The following KIF16B variants were observed in gnomAD, a reference collection of about 807,000 sequenced individuals.
The protein encoded by KIF16B is kinesin-like protein KIF16B.
KIF16B carries 98 observed loss-of-function variants against 156.3 expected under a neutral mutation model. That is an observed-to-expected ratio of 0.63 (90% CI 0.53 to 0.74). The LOEUF is 0.74. KIF16B is among the 30% of genes least tolerant of loss of function. The pLI is 0.00. For missense variants in KIF16B, 1,421 were observed against 1,606.5 expected, an observed-to-expected ratio of 0.88 and a Z score of 1.97; for synonymous variants, 564 against 583.7, an observed-to-expected ratio of 0.97 and a Z score of 0.49.
intron 25 of KIF16B, among the ~76,000 whole-genome samples, chr20:16,311,089 G>C (rs1291263780): frequency 6.6e-6 from 1 of 152,226 alleles, no homozygotes; most frequent in Non-Finnish European, 1.5e-5. Context: ...CCAGCAATGA[G>C]AATACCTACT....
intron 23 of KIF16B, among the ~76,000 whole-genome samples, chr20:16,355,989 C>A (rs1033005928): frequency 8.5e-5 from 13 of 152,286 alleles, no homozygotes; most frequent in African/African-American, 3.1e-4. Flanking sequence ...GACCAACTGT[C>A]CTGGTTTGCT....
intron 1 of KIF16B, among the ~76,000 whole-genome samples, chr20:16,561,041 G>A (rs1287548912): frequency 6.6e-6 from 1 of 151,800 alleles, no homozygotes; most frequent in Non-Finnish European, 1.5e-5. Context: ...TGTAATCCCT[G>A]CGCTTTGGGA....
At chr20:16,406,218 T>C (rs1365412875) in intron 16 of KIF16B, among the ~76,000 whole-genome samples, 156 bp downstream of exon 16, 2 of 152,252 alleles carry the variant, frequency 1.3e-5, no homozygotes, top group East Asian at 1.9e-4. Flanking sequence ...AATCATCTGC[T>C]GGGAAACAAT....
At chr20:16,552,407 A>T (rs1011734620) in intron 1 of KIF16B, among the ~76,000 whole-genome samples, 13 of 152,206 alleles carry the variant, frequency 8.5e-5, no homozygotes, top group African/African-American at 3.1e-4. Context: ...AGCCATTATG[A>T]GCTTCGTTGA....
At chr20:16,349,791 T>C (rs1047039227) in intron 23 of KIF16B, among the ~76,000 whole-genome samples, 1 of 152,216 alleles carries the variant, frequency 6.6e-6, no homozygotes, top group Non-Finnish European at 1.5e-5. Flanking sequence ...CAATTTAGCA[T>C]GTCTCACTTC....
chr20:16,499,916 A>T (rs1293962127), intron 10 of KIF16B, among the ~76,000 whole-genome samples: 1 of 152,218 alleles, frequency 6.6e-6, no homozygotes, highest in Non-Finnish European at 1.5e-5. Context: ...AAGTGTTTCA[A>T]ATCAAATAAT....
At chr20:16,436,145 C>T (rs943500583) in intron 12 of KIF16B, among the ~76,000 whole-genome samples, 2 of 152,040 alleles carry the variant, frequency 1.3e-5, no homozygotes, top group Non-Finnish European at 2.9e-5. Flanking sequence ...ACATTTTTTT[C>T]ATCTCGTATA....
At chr20:16,320,622 G>T (rs1235238638) in intron 24 of KIF16B, among the ~76,000 whole-genome samples, 1 of 152,062 alleles carries the variant, frequency 6.6e-6, no homozygotes, top group Admixed American at 6.6e-5. Context: ...CTAACCAAAG[G>T]GTCTTTCAAG....
chr20:16,542,218 T>C (rs1057467836), intron 1 of KIF16B, among the ~76,000 whole-genome samples: 1 of 152,170 alleles, frequency 6.6e-6, no homozygotes, highest in African/African-American at 2.4e-5. Context: ...TGAGTTACCT[T>C]AAGATGTGCA....
rs2065654187 is a variant in KIF16B at position 16,401,416 on chromosome 20, C to T, written c.1784+3397G>A. Among the ~76,000 whole-genome samples, 3 of 152,146 alleles carry T rather than the reference C, an allele frequency of 2.0e-5. No homozygotes were observed. In the South Asian group the frequency reaches 6.2e-4, roughly 32 times the overall value. The stretch of plus-strand genomic sequence containing the variant: ...CCTGGGATTAGGCAGACAGATTAGG[C>T]CACAAAACCACATTCCTCTGCATAA... On this transcript the variant is annotated intron_variant, in intron 17 of 25. Coordinates refer to ENST00000354981, the MANE Select transcript of KIF16B (RefSeq NM_024704.5).
chr20:16,522,548 T>TA (rs756914604), intron 3 of KIF16B, among the ~76,000 whole-genome samples: 1 of 152,152 alleles, frequency 6.6e-6, no homozygotes, highest in Non-Finnish European at 1.5e-5. Flanking sequence ...CAAAGAGACT[T>TA]AGACTCCCAC....
chr20:16,465,084 G>A (rs1201045200), intron 12 of KIF16B, among the ~76,000 whole-genome samples: 1 of 152,156 alleles, frequency 6.6e-6, no homozygotes, highest in African/African-American at 2.4e-5. Flanking sequence ...ATACCAAAGA[G>A]ATAAGGACTC....
intron 23 of KIF16B, among the ~76,000 whole-genome samples, chr20:16,339,391 TAA>T (rs2064101041): frequency 6.6e-6 from 1 of 152,210 alleles, no homozygotes; most frequent in African/African-American, 2.4e-5. Context: ...CCCTGACTTC[TAA>T]ACATCGAGTC....
chr20:16,450,558 T>C (rs576269858), intron 12 of KIF16B, among the ~76,000 whole-genome samples: 2 of 152,286 alleles, frequency 1.3e-5, no homozygotes, highest in Non-Finnish European at 2.9e-5. Flanking sequence ...AGGCTGTTCC[T>C]CCGCTCCAGT....
At chr20:16,336,197 C>T (rs867152559) in intron 23 of KIF16B, among the ~76,000 whole-genome samples, 182 bp from the exon 24 acceptor site, 4 of 152,170 alleles carry the variant, frequency 2.6e-5, no homozygotes, top group South Asian at 2.1e-4. Context: ...TTTACTTAAA[C>T]ATGCAGCTTT....
intron 23 of KIF16B, among the ~76,000 whole-genome samples, chr20:16,344,242 C>G (rs2064190836): frequency 6.6e-6 from 1 of 152,166 alleles, no homozygotes; most frequent in Non-Finnish European, 1.5e-5. Context: ...ACAACTGTTG[C>G]AAATGGTACT....
At chr20:16,567,093 G>T (rs1427592957) in intron 1 of KIF16B, among the ~76,000 whole-genome samples, 1 of 152,192 alleles carries the variant, frequency 6.6e-6, no homozygotes, top group Non-Finnish European at 1.5e-5. Context: ...TATAATGAAA[G>T]GACTTTAGGA....
intron 1 of KIF16B, among the ~76,000 whole-genome samples, chr20:16,541,861 G>A (rs1431534818): frequency 6.6e-6 from 1 of 152,210 alleles, no homozygotes; most frequent in Admixed American, 6.5e-5. Flanking sequence ...CACAGGTTGG[G>A]CACAGATGGC....
rs11467171 is a variant in KIF16B, at chr20:16,445,419, C to CGTGTGTGTGTGT, written c.1303-15449_1303-15438dup. Among the ~76,000 whole-genome samples, 756 of 146,860 alleles carry CGTGTGTGTGTGT rather than the reference C, an allele frequency of 5.1e-3. 5 individuals carry two copies. The highest frequency in any genetic ancestry group is 0.013 in the African/African-American group (499 of 39,522). On this transcript the variant is annotated intron_variant, in intron 12 of 25. Coordinates refer to ENST00000354981, the MANE Select transcript of KIF16B (RefSeq NM_024704.5). The stretch of plus-strand genomic sequence containing the variant: ...TCATTTGTATTCAGACATGTATATA[C>CGTGTGTGTGTGT]GTGTGTGTGTGTGTGTGTGTGTGTG...
Sources: allele counts gnomAD v4.1 joint callset (sites outside exome capture counted in the v4.1 genomes callset), GRCh38; gene constraint gnomAD v4.1.1; transcripts MANE v1.5; gene names NCBI Gene and HGNC (gene_info 2026-07-23, HGNC 2026-07-21).